CSMD2: variants seen among roughly 807,000 people sequenced by gnomAD.
CSMD2 encodes the protein CUB and Sushi multiple domains 2, also known as CUB and sushi domain-containing protein 2.
A neutral mutation model predicts 398.5 loss-of-function variants in CSMD2; 130 were observed. The observed-to-expected ratio is 0.33, with a 90% CI of 0.28 to 0.38. The LOEUF is 0.38. CSMD2 is among the 10% of genes least tolerant of loss of function. CSMD2 has a pLI of 1.00. For missense variants in CSMD2, 3,829 were observed against 4,764.9 expected, an observed-to-expected ratio of 0.80 and a Z score of 5.78; for synonymous variants, 1,828 against 1,908.5, an observed-to-expected ratio of 0.96 and a Z score of 1.10.
intron 5 of CSMD2, among the ~76,000 whole-genome samples, chr1:33,848,621 C>T (rs973784991): frequency 6.6e-6 from 1 of 152,204 alleles, no homozygotes; most frequent in East Asian, 1.9e-4. Context: ...AGGAGCTTCA[C>T]GCACTGCAAA....
At chr1:33,787,093 A>G (rs1192137793) in intron 12 of CSMD2, among the ~76,000 whole-genome samples, 1 of 152,210 alleles carries the variant, frequency 6.6e-6, no homozygotes, top group Admixed American at 6.5e-5. Flanking sequence ...GTGTGATGAC[A>G]AAGGCAGAGA....
rs558248411 is a variant in CSMD2 at position 33,533,775 on chromosome 1, G to A, written c.9991+21C>T. On this transcript the variant is annotated intron_variant, in intron 63 of 70. Coordinates refer to ENST00000373381, the MANE Select transcript of CSMD2 (RefSeq NM_001281956.2). The surrounding 1 kb of genome is among the most constrained non-coding windows in gnomAD (Gnocchi z 4.2). ...GGGGCAAGAGGAATTTTCTTGGGAT[G>A]TGGGTGAAGTCTGCACTCACGGACA... The A allele has an allele frequency of 1.1e-5, 16 of 1,508,192 alleles. No homozygotes were observed. The South Asian group carries it at 1.8e-4, about 17-fold the overall frequency. 93.4% of individuals were successfully genotyped at this position (1,508,192 alleles called of 1,614,324 possible).
intron 10 of CSMD2, among the ~76,000 whole-genome samples, chr1:33,806,569 G>A (rs998225026): frequency 1.6e-4 from 24 of 152,076 alleles, no homozygotes; most frequent in African/African-American, 5.8e-4. Flanking sequence ...AGAAAAAACA[G>A]AATCAAATTT....
chr1:33,709,500 C>T, intron 21 of CSMD2: 2 of 516,446 alleles, frequency 3.9e-6, no homozygotes, highest in South Asian at 3.6e-5. Context: ...GTTTGTCTGT[C>T]TCTCTCCTAC....
chr1:33,876,263 T>A (rs899593109), intron 5 of CSMD2, among the ~76,000 whole-genome samples: 1 of 152,222 alleles, frequency 6.6e-6, no homozygotes, highest in Admixed American at 6.5e-5. Flanking sequence ...GAAGCCAGCC[T>A]GACCATGAGG....
intron 25 of CSMD2, among the ~76,000 whole-genome samples, chr1:33,690,549 A>T (rs1017682840): frequency 1.3e-5 from 2 of 152,208 alleles, no homozygotes; most frequent in African/African-American, 4.8e-5. Context: ...AAACAAACAG[A>T]TATTTGTGAA....
chr1:33,854,803 C>T (rs1021863475), intron 5 of CSMD2, among the ~76,000 whole-genome samples: 2 of 152,222 alleles, frequency 1.3e-5, no homozygotes, highest in Admixed American at 6.5e-5. Context: ...ATGCACGGCT[C>T]TCTGGAGGAC....
chr1:33,537,207 C>A lies in CSMD2; in HGVS notation c.9806-112G>T. ...AAAATGCGGCCACATCCTGACTTCC[C>A]TGCCCACTGAGATCCCCACCTGAGC... is the stretch of plus-strand genomic sequence containing the variant. On this transcript the variant is annotated intron_variant, in intron 61 of 70. Transcript: ENST00000373381. The surrounding 1 kb of genome is among the most constrained non-coding windows in gnomAD (Gnocchi z 4.6). The A allele has an allele frequency of 7.9e-7, 1 of 1,259,546 alleles. No individual in the cohort carries two copies. Among genetic ancestry groups the A allele is most frequent in the Non-Finnish European group, 1.1e-6 (1 of 874,920 alleles). 78.0% of individuals were successfully genotyped at this position (1,259,546 alleles called of 1,614,324 possible). A position where few individuals can be genotyped will look rare whatever the true frequency, so the allele number is the denominator to read the frequency against.
chr1:33,583,108 G>A (rs1178108447), intron 47 of CSMD2, among the ~76,000 whole-genome samples: 1 of 152,234 alleles, frequency 6.6e-6, no homozygotes, highest in Non-Finnish European at 1.5e-5. Context: ...TAGACCTGAT[G>A]AGTGAGAAGG....
At chr1:33,715,781 G>A (rs147631092) in intron 20 of CSMD2, among the ~76,000 whole-genome samples, 3 of 152,264 alleles carry the variant, frequency 2.0e-5, no homozygotes, top group Non-Finnish European at 4.4e-5. Flanking sequence ...CTCCCTGAAT[G>A]CCAAATAAAA....
intron 3 of CSMD2, among the ~76,000 whole-genome samples, chr1:34,008,866 A>C (rs1446724615): frequency 6.6e-6 from 1 of 152,082 alleles, no homozygotes; most frequent in East Asian, 1.9e-4. Flanking sequence ...CACCATAACT[A>C]TTTGCTGAAT....
chr1:34,013,454 C>G (rs1251486235), intron 3 of CSMD2, among the ~76,000 whole-genome samples: 1 of 152,210 alleles, frequency 6.6e-6, no homozygotes, highest in Non-Finnish European at 1.5e-5. Context: ...AATCCCTCCA[C>G]TCAGCCAACA....
chr1:33,777,302 G>A (rs1000992406), intron 12 of CSMD2, among the ~76,000 whole-genome samples: 2 of 152,144 alleles, frequency 1.3e-5, no homozygotes, highest in Non-Finnish European at 2.9e-5. Context: ...GGAAGGAAGA[G>A]GAAGAACAGA....
chr1:33,592,157 G>T, intron 44 of CSMD2: 1 of 498,560 alleles, frequency 2.0e-6, no homozygotes, highest in Non-Finnish European at 3.7e-6. Context: ...CTTCACAAAG[G>T]TAGAGGACGA....
At chr1:33,835,769 C>CT (rs1660172693) in intron 6 of CSMD2, among the ~76,000 whole-genome samples, 1 of 144,736 alleles carries the variant, frequency 6.9e-6, no homozygotes, top group African/African-American at 2.5e-5. Context: ...TTTGTCTAAT[C>CT]TTTTTTCAAG....
chr1:34,063,828 C>T (rs558879360), intron 2 of CSMD2, among the ~76,000 whole-genome samples: 2 of 152,202 alleles, frequency 1.3e-5, no homozygotes, highest in African/African-American at 4.8e-5. Flanking sequence ...CATGAGGGCC[C>T]CGCCCGTACA....
chr1:33,849,430 T>C (rs1027745784), intron 5 of CSMD2, among the ~76,000 whole-genome samples: 2 of 152,218 alleles, frequency 1.3e-5, no homozygotes, highest in African/African-American at 4.8e-5. Context: ...CTCATTCATA[T>C]GAAACTCTGC....
At chr1:33,705,934 TAAAA>T (rs113435498) in intron 22 of CSMD2, among the ~76,000 whole-genome samples, 138 of 145,262 alleles carry the variant, frequency 9.5e-4, no homozygotes, top group African/African-American at 3.2e-3. Flanking sequence ...CTTTATTATT[TAAAA>T]AAAAAAAAAA....
intron 37 of CSMD2, among the ~76,000 whole-genome samples, chr1:33,620,458 C>G (rs1641695894): frequency 6.6e-6 from 1 of 152,160 alleles, no homozygotes; most frequent in Admixed American, 6.5e-5. Context: ...ATGTCAGCTA[C>G]TGGGAAAACT....
Sources: gnomAD v4.1 joint callset for allele counts (sites outside exome capture counted in the v4.1 genomes callset) on GRCh38, gnomAD v4.1.1 for gene constraint, Gnocchi (gnomAD v3.1) non-coding constraint, MANE v1.5 for transcripts, NCBI Gene and HGNC (gene_info 2026-07-23, HGNC 2026-07-21) for gene names.